Variants in SDK2 observed in about 807,000 individuals in gnomAD.
SDK2 encodes the protein protein sidekick-2.
SDK2 carries 105 observed loss-of-function variants against 253.9 expected under a neutral mutation model. The ratio of observed to expected loss-of-function variants is 0.41; its 90% CI spans 0.35 to 0.49. The LOEUF (loss-of-function observed/expected upper bound fraction) is 0.49, where lower values mean the gene tolerates loss of function less well. Among genes scored for constraint, SDK2 ranks in the 20% least tolerant of loss-of-function variants. SDK2 has a pLI of 0.06. For synonymous variants in SDK2, 1,249 were observed against 1,234.9 expected, an observed-to-expected ratio of 1.01 and a Z score of -0.24; for missense variants, 2,608 against 3,003.0, an observed-to-expected ratio of 0.87 and a Z score of 3.07.
rs2062915064 is a variant in SDK2 at position 73,390,157 on chromosome 17, T to C, written c.4192+130A>G. 6.2e-6 allele frequency: 5 copies of C among 802,022 alleles called. No homozygotes were observed. The South Asian group carries it at 1.0e-4, about 16-fold the overall frequency. 49.7% of individuals were successfully genotyped at this position (802,022 alleles called of 1,614,324 possible). ...CCTTGCTGACTTTGACTTCAGAGAT[T>C]GGAGCCCACCTTCCATTCTCATCCA... On this transcript the variant is annotated intron_variant, in intron 29 of 44. Transcript: ENST00000392650.
chr17:73,404,681 C>T (rs1198071489), intron 18 of SDK2, among the ~76,000 whole-genome samples: 1 of 152,152 alleles, frequency 6.6e-6, no homozygotes, highest in Non-Finnish European at 1.5e-5. Context: ...TTCTTTAGGA[C>T]ATCTCTGTGC....
At chr17:73,414,954 C>G (rs1367875424) in intron 17 of SDK2, among the ~76,000 whole-genome samples, 195 bp from the exon 18 acceptor site, 4 of 152,182 alleles carry the variant, frequency 2.6e-5, no homozygotes, top group Admixed American at 6.5e-5. Flanking sequence ...TTTAATAAAA[C>G]TTGCCTGACC....
chr17:73,388,194 C>T (rs951429073), intron 29 of SDK2, among the ~76,000 whole-genome samples, 157 bp from the exon 30 acceptor site: 4 of 152,136 alleles, frequency 2.6e-5, no homozygotes, highest in African/African-American at 9.7e-5. Flanking sequence ...CAGGTTCTCA[C>T]ACCTGGGTAC....
In SDK2 at chr17:73,366,542, C is replaced by T. The variant is rs190026055; in HGVS notation, c.5168-1147G>A. Among the ~76,000 whole-genome samples the T allele has an allele frequency of 9.6e-4, 146 of 152,290 alleles. 2 individuals carry two copies. Among genetic ancestry groups the T allele is most frequent in the African/African-American group, 3.3e-3 (136 of 41,556 alleles). ...ATGTCACTGACAGCATAGGAAGCAG[C>T]AGGTTGAACAAGATGCTCAAGGGAG... On this transcript the variant is annotated intron_variant, in intron 37 of 44. Transcript: ENST00000392650.
intron 1 of SDK2, among the ~76,000 whole-genome samples, chr17:73,523,992 T>C (rs942500074): frequency 7.2e-5 from 11 of 152,356 alleles, no homozygotes; most frequent in African/African-American, 2.4e-4. Context: ...TCAGTGGACA[T>C]TGAGCAAGGG....
chr17:73,411,184 G>A (rs2063123132), intron 18 of SDK2, among the ~76,000 whole-genome samples: 1 of 152,172 alleles, frequency 6.6e-6, no homozygotes, highest in Non-Finnish European at 1.5e-5. Flanking sequence ...GCCTTCCTGG[G>A]ATTGAGAGGG....
At position 73,637,699 on chromosome 17, in the gene SDK2, TC is replaced by T. The variant is rs1486145685; in HGVS notation, c.64+6325del. Among the ~76,000 whole-genome samples, 7 of 152,322 alleles carry T rather than the reference TC, an allele frequency of 4.6e-5. 1 individual carries two copies. In the South Asian group the frequency reaches 1.0e-3, roughly 23 times the overall value. On this transcript the variant is annotated intron_variant, in intron 1 of 44. Coordinates refer to ENST00000392650, the MANE Select transcript of SDK2 (RefSeq NM_001144952.2). ...GGGGAATATAAGTGCTGAGGCAAGATCTTCCTCTCCCTTTTCCTCTGGAGCA... is the reference window on the plus strand; with the variant it reads ...GGGGAATATAAGTGCTGAGGCAAGATTTCCTCTCCCTTTTCCTCTGGAGCA...
In SDK2 at chr17:73,358,114, G is replaced by A. The variant is rs771142129; in HGVS notation, c.5558C>T (p.Pro1853Leu). The change falls in exon 40 of 45, where the codon CCC becomes CTC. Residue 1853 changes from proline (P) to leucine (L), a missense_variant. Physicochemically the swap from Pro to Leu is moderately conservative, Grantham distance 98. Transcript: ENST00000392650. ...GGCCTCGATGACGTAGCGGGTGATGGGCCCTTTGCCCGGGTCTCCGCTGGA... is the reference window on the plus strand; with the variant it reads ...GGCCTCGATGACGTAGCGGGTGATGAGCCCTTTGCCCGGGTCTCCGCTGGA... ...HWSSGDPGKGPITRYVIEARP... is the reference protein window; with the variant it reads ...HWSSGDPGKGLITRYVIEARP... 1 of 1,613,396 alleles carries A rather than the reference G, an allele frequency of 6.2e-7. No homozygotes were observed. Among genetic ancestry groups the A allele is most frequent in the East Asian group, 2.2e-5 (1 of 44,878 alleles).
Position 73,352,445 on chromosome 17 carries a change from C to T in SDK2, c.5758+28G>A, listed in dbSNP as rs1247583873. On this transcript the variant is annotated intron_variant, in intron 41 of 44. Transcript: ENST00000392650. The surrounding 1 kb of genome is among the most constrained non-coding windows in gnomAD (Gnocchi z 4.1). Reference sequence around the variant, plus strand: ...CCCCCAGGCTCTGCTGTGGGGCTCCCCCACTCCCTCAGCCCCCAGGCCGGT... The same window carrying T: ...CCCCCAGGCTCTGCTGTGGGGCTCCTCCACTCCCTCAGCCCCCAGGCCGGT... 6.3e-7 allele frequency: 1 copy of T among 1,595,186 alleles called. No homozygotes were observed. Among genetic ancestry groups the T allele is most frequent in the African/African-American group, 1.3e-5 (1 of 74,650 alleles).
chr17:73,385,507 T>C (rs1380856934), intron 32 of SDK2, among the ~76,000 whole-genome samples: 1 of 152,082 alleles, frequency 6.6e-6, no homozygotes, highest in Non-Finnish European at 1.5e-5. Context: ...CTAAGGCTAA[T>C]ACACCTGGCC....
At chr17:73,595,519 A>T (rs11649898) in intron 1 of SDK2, among the ~76,000 whole-genome samples, 27,835 of 152,078 alleles carry the variant, frequency 0.18, 2,740 homozygotes, top group African/African-American at 0.2. Flanking sequence ...GCCTCGGGTC[A>T]TCAGAGGAAA....
intron 1 of SDK2, among the ~76,000 whole-genome samples, chr17:73,626,798 TG>T (rs1285819719): frequency 6.6e-6 from 1 of 152,086 alleles, no homozygotes; most frequent in African/African-American, 2.4e-5. Context: ...GGCCTGAGGT[TG>T]TCTGAGCCCC....
chr17:73,555,684 G>C (rs2045132352), intron 1 of SDK2, among the ~76,000 whole-genome samples: 2 of 152,254 alleles, frequency 1.3e-5, no homozygotes, highest in African/African-American at 4.8e-5. Flanking sequence ...TGGGGGTAGA[G>C]GAAGTGAGGG....
chr17:73,507,993 C>T (rs900456221), intron 1 of SDK2, among the ~76,000 whole-genome samples: 1 of 152,250 alleles, frequency 6.6e-6, no homozygotes, highest in African/African-American at 2.4e-5. Flanking sequence ...ATATCAATGT[C>T]ACAAGGAGAA....
rs1208046364 is a variant in SDK2, at chr17:73,438,134, A to G, written c.746T>C (p.Ile249Thr). 14 of 1,551,300 alleles carry G rather than the reference A, an allele frequency of 9.0e-6. No individual in the cohort carries two copies. The East Asian group carries it at 3.4e-4, about 38-fold the overall frequency. ...CAATACCCCGTCCTTCTTCCAAATGATATGTAGCTTGATCAGGGGCCTGCA... is the reference window on the plus strand; with the variant it reads ...CAATACCCCGTCCTTCTTCCAAATGGTATGTAGCTTGATCAGGGGCCTGCA... Reference protein sequence around the residue: ...ANARPLIKLHIIWKKDGVLLS... With the variant: ...ANARPLIKLHTIWKKDGVLLS... The change falls in exon 7 of 45, where the codon ATC (isoleucine) becomes ACC (threonine). Residue 249 changes from isoleucine (I) to threonine (T), a missense_variant. By Grantham distance (89) the Ile-to-Thr change is moderately conservative. This residue lies in a region of SDK2 where 1,505 missense variants were observed against 1,859.1 expected (regional missense o/e 0.81). Transcript: ENST00000392650.
intron 1 of SDK2, among the ~76,000 whole-genome samples, chr17:73,595,201 TGAGGAGGAG>T (rs72207708): frequency 6.7e-6 from 1 of 149,854 alleles, no homozygotes; most frequent in Admixed American, 6.6e-5. Context: ...TGGGTGAAGG[TGAGGAGGAG>T]GAGGAGGAGG....
rs569494139 is a variant in SDK2 at position 73,395,911 on chromosome 17, C to T, written c.3355-519G>A. Among the ~76,000 whole-genome samples, 1 of 151,636 alleles carries T rather than the reference C, an allele frequency of 6.6e-6. No homozygotes were observed. The highest frequency in any genetic ancestry group is 6.5e-5 in the Admixed American group (1 of 15,270). On this transcript the variant is annotated intron_variant, in intron 24 of 44. Transcript: ENST00000392650. The surrounding 1 kb of genome is among the most constrained non-coding windows in gnomAD (Gnocchi z 4.3). Reference sequence around the variant, plus strand: ...CCTCTCCTGCTGCATTTTCAGCCTCCTTTTTCTTTTCTTTTTTTTTTTTAA... The same window carrying T: ...CCTCTCCTGCTGCATTTTCAGCCTCTTTTTTCTTTTCTTTTTTTTTTTTAA...
chr17:73,457,273 TCC>T (rs2063533851), intron 3 of SDK2, among the ~76,000 whole-genome samples: 2 of 51,552 alleles, frequency 3.9e-5, no homozygotes, highest in Admixed American at 2.3e-4. Flanking sequence ...CTTCCTTCCT[TCC>T]TTCCTTCCTT....
intron 36 of SDK2, among the ~76,000 whole-genome samples, chr17:73,376,508 G>A (rs2062782593): frequency 6.6e-6 from 1 of 152,232 alleles, no homozygotes; most frequent in South Asian, 2.1e-4. Context: ...GTTCGTGCGT[G>A]TTGATGTCAG....
Sources: gnomAD v4.1 joint callset for allele counts (sites outside exome capture counted in the v4.1 genomes callset) on GRCh38, gnomAD v4.1.1 for gene constraint, gnomAD v4.1.1 regional missense constraint, Gnocchi (gnomAD v3.1) non-coding constraint, MANE v1.5 for transcripts, NCBI Gene and HGNC (gene_info 2026-07-23, HGNC 2026-07-21) for gene names.